The following CDC25B variants were observed in gnomAD, a reference collection of about 807,000 sequenced individuals.
The protein encoded by CDC25B is cell division cycle 25B.
CDC25B carries 33 observed loss-of-function variants against 69.8 expected under a neutral mutation model. The observed-to-expected ratio is 0.47, with a 90% CI of 0.36 to 0.63. CDC25B has a LOEUF of 0.63. Ranked by LOEUF, CDC25B falls within the 30% of genes least tolerant of loss-of-function variation. CDC25B has a pLI of 0.00. For missense variants in CDC25B, 727 were observed against 809.1 expected (o/e 0.90, Z 1.23); for synonymous variants, 341 against 314.6 (o/e 1.08, Z -0.89).
rs549552103 is a variant in CDC25B at position 3,800,723 on chromosome 20, C to T, written c.460-20C>T. On this transcript the variant is annotated intron_variant, in intron 5 of 15. Coordinates refer to ENST00000245960, the MANE Select transcript of CDC25B (RefSeq NM_021873.4). ...ATGCAGCCTTCATTCCTCTGCCTGCCGCCCTGCCTGGCTCTCTAGGTGAGG... is the reference window on the plus strand; with the variant it reads ...ATGCAGCCTTCATTCCTCTGCCTGCTGCCCTGCCTGGCTCTCTAGGTGAGG... The T allele has an allele frequency of 8.2e-5, 115 of 1,402,738 alleles. No homozygotes were observed. The African/African-American group carries it at 8.8e-4, about 11-fold the overall frequency. The allele number at this position is 1,402,738 out of a possible 1,614,324, so 86.9% of individuals were successfully genotyped here. A position where few individuals can be genotyped will look rare whatever the true frequency, so the allele number is the denominator to read the frequency against.
At position 3,805,315 on chromosome 20, in the gene CDC25B, A is replaced by G; in HGVS notation, c.*354A>G. ...CGCTCCTTTGTGTGTGTGTCAGCTG[A>G]GGCTGGGGGAGAGCCGTGGTCCCTG... On this transcript the variant is annotated 3_prime_UTR_variant, in exon 16 of 16. Coordinates refer to ENST00000245960, the MANE Select transcript of CDC25B (RefSeq NM_021873.4). 3.1e-6 allele frequency: 1 copy of G among 320,822 alleles called. No homozygotes were observed. The highest frequency in any genetic ancestry group is 5.9e-6 in the Non-Finnish European group (1 of 170,184). The allele number at this position is 320,822 out of a possible 1,614,324, so 19.9% of individuals were successfully genotyped here.
chr20:3,792,433 C>T (rs967553274), upstream of CDC25B, among the ~76,000 whole-genome samples: 4 of 152,088 alleles, frequency 2.6e-5, no homozygotes, highest in Admixed American at 1.3e-4. Flanking sequence ...AAGCTATCCT[C>T]CTACCTCAGC....
chr20:3,790,657 G>A (rs1435413657), intron 1 of CDC25B, among the ~76,000 whole-genome samples: 1 of 151,974 alleles, frequency 6.6e-6, no homozygotes, highest in East Asian at 1.9e-4. Flanking sequence ...TGCAACCTCT[G>A]CCTCGTAGGT....
upstream of CDC25B, chr20:3,795,980 C>T: frequency 3.0e-6 from 3 of 989,664 alleles, no homozygotes; most frequent in South Asian, 1.4e-4. Flanking sequence ...AGCGGTGATC[C>T]CAGGTGACGA....
chr20:3,796,677 C>A lies in CDC25B; in HGVS notation c.146C>A (p.Ser49Tyr). The stretch of plus-strand genomic sequence containing the variant: ...GGGTCCCCGGTGCGGGCGGCCGCTT[C>A]CTCGCCGGTCACCACCCTCACCCAG... Reference protein sequence around the residue: ...LLGSPVRAAASSPVTTLTQTM... With the variant: ...LLGSPVRAAAYSPVTTLTQTM... Residue 49 changes from serine to tyrosine, a missense_variant, in exon 1 of 16, where the codon TCC becomes TAC. Ser to Tyr is a moderately radical substitution (Grantham distance 144). Coordinates refer to ENST00000245960, the MANE Select transcript of CDC25B (RefSeq NM_021873.4). 6.6e-7 allele frequency: 1 copy of A among 1,525,968 alleles called. No individual in the cohort carries two copies. The highest frequency in any genetic ancestry group is 8.7e-7 in the Non-Finnish European group (1 of 1,146,644). The allele number at this position is 1,525,968 out of a possible 1,614,324, so 94.5% of individuals were successfully genotyped here.
rs554867030 is a variant in CDC25B, at chr20:3,797,678, C to G, written c.257C>G (p.Thr86Arg). 11 of 1,614,156 alleles carry G rather than the reference C, an allele frequency of 6.8e-6. No homozygotes were observed. The African/African-American group carries it at 8.0e-5, about 12-fold the overall frequency. ...TLLFRSRSRL[T>R]HLSLSRRASE... ...CTCTTCCGCAGCCGCAGCCGCCTGA[C>G]GCACCTATCCCTGTCTCGACGGGCA... is the stretch of plus-strand genomic sequence containing the variant. The change falls in exon 2 of 16, where the codon ACG (threonine) becomes AGG (arginine). Residue 86 changes from threonine (T) to arginine (R), a missense_variant. This residue lies in a region of CDC25B where 368 missense variants were observed against 345.6 expected (regional missense o/e 1.06). Coordinates refer to ENST00000245960, the MANE Select transcript of CDC25B (RefSeq NM_021873.4).
chr20:3,798,004 A>G (rs927227616), intron 2 of CDC25B, among the ~76,000 whole-genome samples: 4 of 152,186 alleles, frequency 2.6e-5, no homozygotes, highest in Non-Finnish European at 5.9e-5. Flanking sequence ...CCTATGTAAA[A>G]CCACGCTCCA....
intron 1 of CDC25B, among the ~76,000 whole-genome samples, chr20:3,790,508 A>T (rs2088897627): frequency 6.6e-6 from 1 of 151,066 alleles, no homozygotes; most frequent in Non-Finnish European, 1.5e-5. Context: ...CAAAAAAAAA[A>T]AAAAAAGATT....
chr20:3,797,869 A>G, intron 2 of CDC25B, 120 bp downstream of exon 2: 3 of 1,237,766 alleles, frequency 2.4e-6, no homozygotes, highest in Non-Finnish European at 3.4e-6. Flanking sequence ...TGGTGGGCCC[A>G]GGAGCCTCTC....
chr20:3,787,367 G>A (rs2088842766), intron 1 of CDC25B, among the ~76,000 whole-genome samples: 2 of 152,148 alleles, frequency 1.3e-5, no homozygotes, highest in Admixed American at 6.5e-5. Context: ...GAACACTAGC[G>A]TATGTAACCT....
chr20:3,787,707 C>T (rs1405468432), intron 1 of CDC25B, among the ~76,000 whole-genome samples: 1 of 152,142 alleles, frequency 6.6e-6, no homozygotes, highest in Non-Finnish European at 1.5e-5. Context: ...AGGGGAACTC[C>T]AGCATTGGCA....
intron 11 of CDC25B, chr20:3,802,621 A>G (rs1330578075): frequency 3.3e-6 from 2 of 598,864 alleles, no homozygotes; most frequent in African/African-American, 3.7e-5. Context: ...GCTCATACCT[A>G]GCTTGGAACC....
intron 7 of CDC25B, 31 bp from the exon 8 acceptor site, chr20:3,801,223 C>CT: frequency 6.2e-7 from 1 of 1,610,516 alleles, no homozygotes; most frequent in Non-Finnish European, 8.5e-7. Context: ...ATCTCCACCT[C>CT]TAAGTCTGTG....
At chr20:3,787,493 TAACA>T (rs1367282525) in intron 1 of CDC25B, among the ~76,000 whole-genome samples, 8 of 152,236 alleles carry the variant, frequency 5.3e-5, no homozygotes, top group African/African-American at 1.7e-4. Context: ...TAAACACTCA[TAACA>T]TCTTGGTGTG....
At chr20:3,788,204 G>A (rs2088857571) in intron 1 of CDC25B, among the ~76,000 whole-genome samples, 1 of 151,696 alleles carries the variant, frequency 6.6e-6, no homozygotes, top group Non-Finnish European at 1.5e-5. Flanking sequence ...CCCTGAAGCA[G>A]GAGAAAAACC....
At position 3,796,418 on chromosome 20, in the gene CDC25B, T is replaced by TTCC; in HGVS notation, c.-114_-113insTCC. The TTCC allele has an allele frequency of 2.0e-5, 3 of 151,668 alleles. No individual in the cohort carries two copies. The highest frequency in any genetic ancestry group is 2.3e-5 in the Non-Finnish European group (3 of 130,168). The allele number at this position is 151,668 out of a possible 1,614,324, so 9.4% of individuals were successfully genotyped here. ...CTGTGGCTCTTCCTCCCTCCCTCCTTCCCCCCCCCCCCACCCCTCGCCCGC... is the reference window on the plus strand; with the variant it reads ...CTGTGGCTCTTCCTCCCTCCCTCCTTTCCCCCCCCCCCCCCACCCCTCGCCCGC... On this transcript the variant is annotated 5_prime_UTR_variant, in exon 1 of 16. Transcript: ENST00000245960.
rs570142869 is a variant in CDC25B, at chr20:3,802,035, C to G, written c.1033C>G (p.Pro345Ala). ...GGAGCGGCCCCAGGACAGGGACACG[C>G]CCGTGCAGAATAAGCGGAGGCGGAG... The part of the protein sequence containing the change: ...RLERPQDRDT[P>A]VQNKRRRSVT... The change falls in exon 10 of 16, where the codon CCC becomes GCC. Residue 345 changes from proline (P) to alanine (A), a missense_variant. This residue lies in a region of CDC25B where 359 missense variants were observed against 463.4 expected (regional missense o/e 0.77). Transcript: ENST00000245960. 1.3e-6 allele frequency: 2 copies of G among 1,582,708 alleles called. No homozygotes were observed. The highest frequency in any genetic ancestry group is 4.7e-5 in the East Asian group (2 of 42,770).
chr20:3,799,462 G>A (rs1249300681), intron 3 of CDC25B, among the ~76,000 whole-genome samples: 2 of 151,454 alleles, frequency 1.3e-5, no homozygotes, highest in African/African-American at 4.9e-5. Context: ...TGCTCTGACA[G>A]TTATACAGAG....
In CDC25B at chr20:3,801,393, A is replaced by G. The variant is rs1339087143; in HGVS notation, c.840+5A>G. The G allele has an allele frequency of 6.2e-7, 1 of 1,607,394 alleles. No individual in the cohort carries two copies. Among genetic ancestry groups the G allele is most frequent in the Non-Finnish European group, 8.5e-7 (1 of 1,176,150 alleles). ...ATCCTAGAGAGTGACTTAAAGGTAA[A>G]CAGCCTTGTCCCACCAGGCCCCTAC... On this transcript the variant is annotated splice_donor_5th_base_variant and intron_variant, in intron 8 of 15. Transcript: ENST00000245960.
Sources: allele counts gnomAD v4.1 joint callset (sites outside exome capture counted in the v4.1 genomes callset), GRCh38; gene constraint gnomAD v4.1.1; regional missense constraint gnomAD v4.1.1; transcripts MANE v1.5; gene names NCBI Gene and HGNC (gene_info 2026-07-23, HGNC 2026-07-21).